The following ADAMTSL3 variants were observed in gnomAD, a reference collection of about 807,000 sequenced individuals.
ADAMTSL3 encodes the protein ADAMTS like 3, also known as ADAMTS-like protein 3.
A neutral mutation model predicts 201.7 loss-of-function variants in ADAMTSL3; 128 were observed. The observed-to-expected ratio is 0.63, with a 90% CI of 0.55 to 0.73. ADAMTSL3 has a LOEUF of 0.73. Among genes scored for constraint, ADAMTSL3 ranks in the 30% least tolerant of loss-of-function variants. The pLI, the probability that ADAMTSL3 is intolerant of heterozygous loss-of-function variation, is 0.00. For synonymous variants in ADAMTSL3, 738 were observed against 748.4 expected (o/e 0.99, Z 0.23); for missense variants, 1,990 against 2,119.6 (o/e 0.94, Z 1.20).
chr15:83,784,959 ATCTT>A (rs1488494636), intron 4 of ADAMTSL3, among the ~76,000 whole-genome samples: 1 of 152,024 alleles, frequency 6.6e-6, no homozygotes, highest in African/African-American at 2.4e-5. Context: ...CTCATTGTCT[ATCTT>A]AATTGTGTGT....
chr15:83,913,243 C>T lies in ADAMTSL3; in HGVS notation c.1852C>T (p.Arg618Trp), dbSNP rs139253965. Residue 618 changes from arginine to tryptophan, a missense_variant, in exon 16 of 30, where the codon CGG becomes TGG. By Grantham distance (101) the Arg-to-Trp change is moderately radical (BLOSUM62 -3). Coordinates refer to ENST00000286744, the MANE Select transcript of ADAMTSL3 (RefSeq NM_207517.3). ...ECEGPKLPTE[R>W]PCLLEACDES... ...TGAAGGCCCCAAGCTGCCCACCGAACGGCCCTGCCTCCTGGAAGCATGTGA... is the reference window on the plus strand; with the variant it reads ...TGAAGGCCCCAAGCTGCCCACCGAATGGCCCTGCCTCCTGGAAGCATGTGA... 3.4e-4 allele frequency: 554 copies of T among 1,614,144 alleles called. 5 individuals are homozygous for T. In the East Asian group the frequency reaches 4.2e-3, roughly 12 times the overall value.
At chr15:83,751,823 T>C (rs1320346932) in intron 3 of ADAMTSL3, among the ~76,000 whole-genome samples, 1 of 152,076 alleles carries the variant, frequency 6.6e-6, no homozygotes, top group Non-Finnish European at 1.5e-5. Context: ...AGTGTTCAAG[T>C]GAGGAGTAAA....
chr15:83,666,420 A>C (rs8026879), intron 2 of ADAMTSL3, among the ~76,000 whole-genome samples: 42,154 of 152,054 alleles, frequency 0.28, 6,032 homozygotes, highest in South Asian at 0.49. Flanking sequence ...ATTGATGTCT[A>C]TGCTTACCTT....
intron 10 of ADAMTSL3, among the ~76,000 whole-genome samples, chr15:83,885,639 C>G (rs2065373301): frequency 6.6e-6 from 1 of 152,074 alleles, no homozygotes; most frequent in African/African-American, 2.4e-5. Flanking sequence ...CAACTTTTCT[C>G]TCCTCAGGTG....
rs533434321 is a variant in ADAMTSL3 at position 83,800,876 on chromosome 15, A to C, written c.318-3774A>C. ...AGAGAGTAATTTCAATTACTTCTTC[A>C]CTTTTCCTATTATTTATTTTCTTCT... On this transcript the variant is annotated intron_variant, in intron 4 of 29. Transcript: ENST00000286744. Among the ~76,000 whole-genome samples the C allele has an allele frequency of 5.9e-5, 9 of 152,328 alleles. No individual in the cohort carries two copies. The East Asian group carries it at 9.6e-4, about 16-fold the overall frequency.
chr15:83,776,725 A>G (rs1266836355), intron 4 of ADAMTSL3, among the ~76,000 whole-genome samples: 1 of 152,228 alleles, frequency 6.6e-6, no homozygotes, highest in Non-Finnish European at 1.5e-5. Context: ...CTCAAAAAAA[A>G]AAAATTGTGT....
At chr15:83,883,890 T>G (rs554973523) in intron 9 of ADAMTSL3, among the ~76,000 whole-genome samples, 2 of 151,452 alleles carry the variant, frequency 1.3e-5, no homozygotes, top group Non-Finnish European at 2.9e-5. Flanking sequence ...CATTAATTTT[T>G]TCTTTTACTT....
intron 23 of ADAMTSL3, among the ~76,000 whole-genome samples, chr15:83,994,584 T>C (rs2067644684): frequency 8.2e-6 from 1 of 121,344 alleles, no homozygotes; most frequent in African/African-American, 3.1e-5. Context: ...TTTTGTTTTT[T>C]CGTTTTTTTT....
chr15:83,811,247 C>T (rs750675001), intron 5 of ADAMTSL3, among the ~76,000 whole-genome samples: 18 of 152,136 alleles, frequency 1.2e-4, no homozygotes, highest in Non-Finnish European at 2.6e-4. Flanking sequence ...TTATTTTGCC[C>T]AACACAATGG....
chr15:83,735,044 C>CT (rs990157980), intron 3 of ADAMTSL3, among the ~76,000 whole-genome samples: 44 of 152,262 alleles, frequency 2.9e-4, no homozygotes, highest in African/African-American at 1.0e-3. Context: ...TAGTAAAACT[C>CT]TATCAGGCAG....
chr15:83,813,003 T>C (rs2063720932), intron 5 of ADAMTSL3, among the ~76,000 whole-genome samples: 1 of 152,184 alleles, frequency 6.6e-6, no homozygotes. Context: ...TCTACTACAC[T>C]GTACAAGAGT....
chr15:83,995,314 A>G (rs555088541), intron 23 of ADAMTSL3, among the ~76,000 whole-genome samples: 5 of 152,230 alleles, frequency 3.3e-5, no homozygotes, highest in Non-Finnish European at 7.3e-5. Flanking sequence ...ATGTAGACAA[A>G]GCATCTGATA....
intron 2 of ADAMTSL3, among the ~76,000 whole-genome samples, chr15:83,688,086 A>G (rs2061561673): frequency 6.6e-6 from 1 of 152,186 alleles, no homozygotes; most frequent in African/African-American, 2.4e-5. Context: ...GGAGGAAAGG[A>G]ATGGATGGAG....
chr15:83,848,656 C>T (rs1425080282), intron 7 of ADAMTSL3, among the ~76,000 whole-genome samples: 1 of 152,154 alleles, frequency 6.6e-6, no homozygotes, highest in Non-Finnish European at 1.5e-5. Flanking sequence ...AGTTTTGGGT[C>T]CTTACCCTGG....
chr15:84,007,042 T>A (rs2067907769), intron 23 of ADAMTSL3, among the ~76,000 whole-genome samples: 1 of 152,200 alleles, frequency 6.6e-6, no homozygotes, highest in Admixed American at 6.5e-5. Flanking sequence ...GTAGATGAAA[T>A]GGCCCCTGGG....
rs545394437 is a variant in ADAMTSL3 at position 83,790,576 on chromosome 15, A to G, written c.318-14074A>G. 2.0e-5 allele frequency among the ~76,000 whole-genome samples: 3 copies of G among 152,262 alleles called. No homozygotes were observed. The South Asian group carries it at 6.2e-4, about 32-fold the overall frequency. On this transcript the variant is annotated intron_variant, in intron 4 of 29. Coordinates refer to ENST00000286744, the MANE Select transcript of ADAMTSL3 (RefSeq NM_207517.3). ...AAAAATAGAAACAGATATCAGCTTG[A>G]TAAAAAATTTAAGAACCTTTAACTA...
At chr15:84,007,182 C>T (rs536024223) in intron 23 of ADAMTSL3, among the ~76,000 whole-genome samples, 5 of 152,130 alleles carry the variant, frequency 3.3e-5, no homozygotes, top group Admixed American at 6.5e-5. Flanking sequence ...GAGAAGCTTG[C>T]GCTGGCATGG....
intron 23 of ADAMTSL3, among the ~76,000 whole-genome samples, chr15:84,002,936 CTTTTTTTTTT>C (rs368176543): frequency 6.0e-5 from 6 of 99,990 alleles, no homozygotes; most frequent in East Asian, 5.9e-4. Context: ...CTTTTCTTTT[CTTTTTTTTTT>C]TTTTTTTTTG....
chr15:83,868,383 T>G lies in ADAMTSL3; in HGVS notation c.803-2419T>G, dbSNP rs79176646. Among the ~76,000 whole-genome samples, 231 of 152,320 alleles carry G rather than the reference T, an allele frequency of 1.5e-3. 4 individuals carry two copies. In the East Asian group the frequency reaches 0.022, roughly 15 times the overall value. ...TTGAAACACCACAAACTCCTTTTTT[T>G]GTCATTTATTTTTAAGAGGCACCAG... On this transcript the variant is annotated intron_variant, in intron 8 of 29. Transcript: ENST00000286744.
Sources: gnomAD v4.1 joint callset for allele counts (sites outside exome capture counted in the v4.1 genomes callset) on GRCh38, gnomAD v4.1.1 for gene constraint, MANE v1.5 for transcripts, NCBI Gene and HGNC (gene_info 2026-07-23, HGNC 2026-07-21) for gene names.